The following SHTN1 variants were observed in gnomAD, a reference collection of about 807,000 sequenced individuals.
SHTN1 encodes the protein shootin 1.
A neutral mutation model predicts 83.1 loss-of-function variants in SHTN1; 42 were observed. The observed-to-expected ratio is 0.51, with a 90% CI of 0.39 to 0.65. SHTN1 has a LOEUF of 0.65. SHTN1 is among the 30% of genes least tolerant of loss of function. The probability of loss-of-function intolerance (pLI) is 0.00; values close to 1 mark genes in which losing one functional copy is unlikely to be tolerated. For synonymous variants in SHTN1, 224 were observed against 247.7 expected (o/e 0.90, Z 0.90); for missense variants, 622 against 737.8 (o/e 0.84, Z 1.82).
At chr10:117,030,237 G>A (rs1852393287) in intron 2 of SHTN1, among the ~76,000 whole-genome samples, 1 of 152,122 alleles carries the variant, frequency 6.6e-6, no homozygotes, top group South Asian at 2.1e-4. Context: ...ATGTGAGAAT[G>A]ACGTAATACA....
chr10:116,883,903 A>G lies in SHTN1; in HGVS notation c.*2441T>C, dbSNP rs568470254. The G allele has an allele frequency of 6.3e-5, 13 of 206,472 alleles. No individual in the cohort carries two copies. Among genetic ancestry groups the G allele is most frequent in the African/African-American group, 3.1e-4 (13 of 42,078 alleles). The allele number at this position is 206,472 out of a possible 1,614,324, so 12.8% of individuals were successfully genotyped here. A position where few individuals can be genotyped will look rare whatever the true frequency, so the allele number is the denominator to read the frequency against. ...CAAAAGGGTGCAAGTGCTTTAATTA[A>G]AATCTTATTCTTCCAGAAAAAAAAA... is the stretch of plus-strand genomic sequence containing the variant. On this transcript the variant is annotated 3_prime_UTR_variant, in exon 17 of 17. Coordinates refer to ENST00000355371, the MANE Select transcript of SHTN1 (RefSeq NM_001127211.3).
Position 116,948,876 on chromosome 10 carries a change from C to A in SHTN1, c.616+40G>T, listed in dbSNP as rs758831667. On this transcript the variant is annotated intron_variant, in intron 7 of 16. Transcript: ENST00000355371. Reference sequence around the variant, plus strand: ...ACACAATATATGCAAACAGAACACACCGCATACGTATTTGAGAAAAAAAGA... The same window carrying A: ...ACACAATATATGCAAACAGAACACAACGCATACGTATTTGAGAAAAAAAGA... 3.6e-6 allele frequency: 5 copies of A among 1,395,360 alleles called. No individual in the cohort carries two copies. The South Asian group carries it at 4.6e-5, about 13-fold the overall frequency. The allele number at this position is 1,395,360 out of a possible 1,614,324, so 86.4% of individuals were successfully genotyped here.
intron 1 of SHTN1, among the ~76,000 whole-genome samples, chr10:117,081,278 A>C (rs1589923967): frequency 6.6e-6 from 1 of 151,714 alleles, no homozygotes; most frequent in Non-Finnish European, 1.5e-5. Context: ...CCTTTTCTGC[A>C]TCTATTGAGA....
intron 1 of SHTN1, among the ~76,000 whole-genome samples, chr10:116,999,861 C>T (rs1851761471): frequency 1.3e-5 from 2 of 152,024 alleles, no homozygotes; most frequent in South Asian, 2.1e-4. Context: ...TGCAGTGAGC[C>T]GAGACCACGC....
intron 2 of SHTN1, among the ~76,000 whole-genome samples, chr10:116,978,136 C>T (rs1011385019): frequency 2.2e-4 from 34 of 152,252 alleles, no homozygotes; most frequent in Admixed American, 5.9e-4. Context: ...CTAAAAATCC[C>T]TTATAATCGG....
At chr10:117,061,683 C>T (rs1852905995) in intron 1 of SHTN1, among the ~76,000 whole-genome samples, 1 of 151,950 alleles carries the variant, frequency 6.6e-6, no homozygotes, top group Non-Finnish European at 1.5e-5. Context: ...GTTGGTCAGG[C>T]TGGTCTCAAA....
At chr10:117,062,321 T>A in intron 1 of SHTN1, among the ~76,000 whole-genome samples, 1 of 152,188 alleles carries the variant, frequency 6.6e-6, no homozygotes, top group East Asian at 1.9e-4. Context: ...ATCATTAGTT[T>A]AAAAAGTTCA....
rs1168107537 is a variant in SHTN1 at position 116,944,953 on chromosome 10, G to A, written c.682C>T (p.Arg228Ter). 3 of 1,610,956 alleles carry A rather than the reference G, an allele frequency of 1.9e-6. No homozygotes were observed. Among genetic ancestry groups the A allele is most frequent in the Non-Finnish European group, 2.5e-6 (3 of 1,177,408 alleles). The change falls in exon 8 of 17, where the codon CGA becomes TGA. Residue 228 changes from arginine to a stop codon, truncating the protein, a stop_gained. Transcript: ENST00000355371. LOFTEE classifies it high-confidence loss of function. ...QVNLELEKDLRKKAESFAQEM... is the reference protein window; with the variant it reads ...QVNLELEKDL Reference sequence around the variant, plus strand: ...TGTGCAAATGACTCTGCTTTCTTTCGAAGGTCCTTCTCCAGCTCCAGGTTT... The same window carrying A: ...TGTGCAAATGACTCTGCTTTCTTTCAAAGGTCCTTCTCCAGCTCCAGGTTT...
At chr10:116,963,035 GTTT>G (rs71013628) in intron 3 of SHTN1, among the ~76,000 whole-genome samples, 2 of 45,260 alleles carry the variant, frequency 4.4e-5, no homozygotes, top group East Asian at 6.6e-4. Context: ...AATAATAAAA[GTTT>G]TTTTTTTTTT....
intron 13 of SHTN1, among the ~76,000 whole-genome samples, chr10:116,914,387 G>A (rs774938002): frequency 2.6e-5 from 4 of 151,888 alleles, no homozygotes; most frequent in Admixed American, 2.0e-4. Context: ...CAGGAGAATC[G>A]CTTGAACACG....
chr10:116,900,909 C>A (rs1256934620), intron 16 of SHTN1: 1 of 985,390 alleles, frequency 1.0e-6, no homozygotes, highest in Non-Finnish European at 1.2e-6. Flanking sequence ...GAAGAAAATA[C>A]CAGTTGGCAA....
intron 2 of SHTN1, among the ~76,000 whole-genome samples, chr10:117,013,491 A>G (rs1234488672): frequency 6.6e-6 from 1 of 152,194 alleles, no homozygotes; most frequent in African/African-American, 2.4e-5. Context: ...ATATTTTTAA[A>G]TGGAAAATAA....
intron 1 of SHTN1, among the ~76,000 whole-genome samples, chr10:117,078,868 A>C (rs1462908714): frequency 6.6e-6 from 1 of 152,066 alleles, no homozygotes; most frequent in East Asian, 1.9e-4. Context: ...GGTCCATTTC[A>C]TCTATGTTAT....
intron 1 of SHTN1, among the ~76,000 whole-genome samples, chr10:117,101,170 G>T (rs1428567494): frequency 6.6e-6 from 1 of 152,168 alleles, no homozygotes; most frequent in Non-Finnish European, 1.5e-5. Context: ...TAATATCCAG[G>T]TCTCTAAGTC....
At chr10:116,931,888 A>G (rs555689138) in intron 9 of SHTN1, among the ~76,000 whole-genome samples, 5 of 152,232 alleles carry the variant, frequency 3.3e-5, no homozygotes, top group South Asian at 2.1e-4. Context: ...TGCTATTTTT[A>G]TAATTGCAAA....
In SHTN1 at chr10:116,943,320, G is replaced by C. The variant is rs139953114; in HGVS notation, c.711+1604C>G. ...CCACATGGCCTTCAAGTTTTTCTTT[G>C]AGCTGCTTTGTATTCTAACATCATT... On this transcript the variant is annotated intron_variant, in intron 8 of 16. Transcript: ENST00000355371. 1.6e-4 allele frequency among the ~76,000 whole-genome samples: 24 copies of C among 152,196 alleles called. No homozygotes were observed. The East Asian group carries it at 4.6e-3, about 29-fold the overall frequency.
intron 2 of SHTN1, among the ~76,000 whole-genome samples, chr10:117,030,130 G>T (rs975947380): frequency 6.6e-6 from 1 of 151,992 alleles, no homozygotes; most frequent in Non-Finnish European, 1.5e-5. Context: ...CTCGTGATCT[G>T]CCCACCTTGG....
chr10:116,915,955 TAA>T (rs1848367896), intron 12 of SHTN1, among the ~76,000 whole-genome samples: 1 of 152,228 alleles, frequency 6.6e-6, no homozygotes, highest in African/African-American at 2.4e-5. Flanking sequence ...CTTGTTGGAA[TAA>T]GTCTATAGTC....
At chr10:117,111,410 C>A (rs1289758823) in intron 1 of SHTN1, among the ~76,000 whole-genome samples, 1 of 151,922 alleles carries the variant, frequency 6.6e-6, no homozygotes, top group Non-Finnish European at 1.5e-5. Flanking sequence ...TATCCTGCCT[C>A]AGCCTCCCAG....
Sources: gnomAD v4.1 joint callset for allele counts (sites outside exome capture counted in the v4.1 genomes callset) on GRCh38, gnomAD v4.1.1 for gene constraint, MANE v1.5 for transcripts, NCBI Gene and HGNC (gene_info 2026-07-23, HGNC 2026-07-21) for gene names.